TRIM8: variants seen among roughly 807,000 people sequenced by gnomAD.
TRIM8 encodes the protein tripartite motif containing 8.
In TRIM8, 9 loss-of-function variants were observed where a neutral mutation model predicts 55.7. That is an observed-to-expected ratio of 0.16 (90% CI 0.10 to 0.28). TRIM8 has a LOEUF of 0.28. TRIM8 is among the 10% of genes least tolerant of loss of function. The pLI is 1.00. For missense variants in TRIM8, 556 were observed against 736.4 expected, an observed-to-expected ratio of 0.76 and a Z score of 2.83; for synonymous variants, 335 against 333.3, an observed-to-expected ratio of 1.01 and a Z score of -0.06.
rs199506642 is a variant in TRIM8, at chr10:102,644,640, G to T, written c.23G>T (p.Cys8Phe). Reference sequence around the variant, plus strand: ...GCCATGGCGGAGAATTGGAAGAACTGCTTCGAGGAGGAGCTCATCTGCCCT... The same window carrying T: ...GCCATGGCGGAGAATTGGAAGAACTTCTTCGAGGAGGAGCTCATCTGCCCT... MAENWKN[C>F]FEEELICPIC... is the part of the protein sequence containing the mutation. Residue 8 changes from cysteine (C) to phenylalanine (F), a missense_variant, in exon 1 of 6, where the codon TGC becomes TTC. Transcript: ENST00000643721. 1.8e-4 allele frequency: 284 copies of T among 1,612,882 alleles called. 1 individual carries two copies. Among genetic ancestry groups the T allele is most frequent in the Non-Finnish European group, 2.3e-4 (273 of 1,179,820 alleles).
chr10:102,645,202 C>A lies in TRIM8; in HGVS notation c.570+15C>A. 1 of 1,519,730 alleles carries A rather than the reference C, an allele frequency of 6.6e-7. No homozygotes were observed. The highest frequency in any genetic ancestry group is 8.8e-7 in the Non-Finnish European group (1 of 1,140,600). The allele number at this position is 1,519,730 out of a possible 1,614,324, so 94.1% of individuals were successfully genotyped here. A position where few individuals can be genotyped will look rare whatever the true frequency, so the allele number is the denominator to read the frequency against. ...ATGAAATCCGGGCAAGTACCCTACGCGCGCGCGCGCACACACACACACACA... is the reference window on the plus strand; with the variant it reads ...ATGAAATCCGGGCAAGTACCCTACGAGCGCGCGCGCACACACACACACACA... On this transcript the variant is annotated intron_variant, in intron 1 of 5. Coordinates refer to ENST00000643721, the MANE Select transcript of TRIM8 (RefSeq NM_030912.3).
At position 102,654,637 on chromosome 10, in the gene TRIM8, C is replaced by A; in HGVS notation, c.571-16C>A. The A allele has an allele frequency of 6.2e-7, 1 of 1,608,406 alleles. No individual in the cohort carries two copies. Among genetic ancestry groups the A allele is most frequent in the Non-Finnish European group, 8.5e-7 (1 of 1,174,874 alleles). ...GCCACAGTCCCTCTGATACTCCCAC[C>A]CAAATGTCCCTGCAGAAGATGCTCA... is the stretch of plus-strand genomic sequence containing the variant. On this transcript the variant is annotated splice_polypyrimidine_tract_variant and intron_variant, in intron 1 of 5. Transcript: ENST00000643721.
rs140447881 is a variant in TRIM8, at chr10:102,657,249, C to A, written c.1551C>A (p.Pro517=). ...CACCCTCCGTCCCCCAGTCCCTTCCCAGCCTGGCGGTCAGAGACTGGCTTG... is the reference window on the plus strand; with the variant it reads ...CACCCTCCGTCCCCCAGTCCCTTCCAAGCCTGGCGGTCAGAGACTGGCTTG... ...PPTPSVPQSL[P]SLAVRDWLDA... The change falls in exon 6 of 6, where the codon CCC becomes CCA. Residue 517 remains proline (P), a synonymous_variant. Coordinates refer to ENST00000643721, the MANE Select transcript of TRIM8 (RefSeq NM_030912.3). 1.8e-3 allele frequency: 2,944 copies of A among 1,614,110 alleles called. 5 individuals carry two copies. The highest frequency in any genetic ancestry group is 2.3e-3 in the Non-Finnish European group (2,698 of 1,180,006).
intron 3 of TRIM8, 62 bp downstream of exon 3, chr10:102,655,375 C>T: frequency 6.8e-7 from 1 of 1,465,084 alleles, no homozygotes; most frequent in Non-Finnish European, 9.4e-7. Context: ...TTGAGATCTG[C>T]AGTTTCCTGC....
intron 1 of TRIM8, among the ~76,000 whole-genome samples, chr10:102,652,629 G>A (rs2063994147): frequency 6.6e-6 from 1 of 152,142 alleles, no homozygotes; most frequent in Admixed American, 6.5e-5. Flanking sequence ...GAGGCCCTGT[G>A]TCTTGTAGGG....
chr10:102,655,932 T>C (rs1290525791), intron 3 of TRIM8, among the ~76,000 whole-genome samples, 174 bp from the exon 4 acceptor site: 2 of 152,136 alleles, frequency 1.3e-5, no homozygotes, highest in South Asian at 2.1e-4. Context: ...GCTCAGTAAA[T>C]GTTAGCTCTT....
intron 1 of TRIM8, among the ~76,000 whole-genome samples, chr10:102,649,441 G>A (rs2063963014): frequency 6.6e-6 from 1 of 152,220 alleles, no homozygotes; most frequent in Non-Finnish European, 1.5e-5. Flanking sequence ...TGTGTTGGGT[G>A]CAGTCTGGCG....
rs1366457173 is a variant in TRIM8 at position 102,657,401 on chromosome 10, C to T, written c.*47C>T. The T allele has an allele frequency of 2.6e-6, 4 of 1,516,558 alleles. No individual in the cohort carries two copies. The highest frequency in any genetic ancestry group is 1.4e-5 in the African/African-American group (1 of 71,850). 93.9% of individuals were successfully genotyped at this position (1,516,558 alleles called of 1,614,324 possible). On this transcript the variant is annotated 3_prime_UTR_variant, in exon 6 of 6. Transcript: ENST00000643721. ...CTGGGGAATCTTCCTCCCCAGCCCC[C>T]GGGCTCGGGAGTTATGCATCCAGAG...
intron 3 of TRIM8, 84 bp downstream of exon 3, chr10:102,655,397 A>C: frequency 1.6e-6 from 2 of 1,271,966 alleles, no homozygotes; most frequent in Non-Finnish European, 2.2e-6. Flanking sequence ...CCTGTAGCTC[A>C]CATGCCCTTA....
chr10:102,656,990 G>A lies in TRIM8; in HGVS notation c.1292G>A (p.Gly431Asp). The A allele has an allele frequency of 6.2e-7, 1 of 1,612,462 alleles. No homozygotes were observed. Among genetic ancestry groups the A allele is most frequent in the Admixed American group, 1.7e-5 (1 of 60,006 alleles). Reference sequence around the variant, plus strand: ...CAGCACTTGGTGGCCCTGCCGGGCGGCGCCCAACCAGTGCACTCAAGCCCC... The same window carrying A: ...CAGCACTTGGTGGCCCTGCCGGGCGACGCCCAACCAGTGCACTCAAGCCCC... Reference protein sequence around the residue: ...STQHLVALPGGAQPVHSSPVF... With the variant: ...STQHLVALPGDAQPVHSSPVF... The change falls in exon 6 of 6, where the codon GGC (glycine) becomes GAC (aspartate). Residue 431 changes from glycine (G) to aspartate (D), a missense_variant. Coordinates refer to ENST00000643721, the MANE Select transcript of TRIM8 (RefSeq NM_030912.3). The surrounding 1 kb of genome is among the most constrained non-coding windows in gnomAD (Gnocchi z 4.6).
At chr10:102,653,163 G>A (rs1357138131) in intron 1 of TRIM8, among the ~76,000 whole-genome samples, 2 of 152,160 alleles carry the variant, frequency 1.3e-5, no homozygotes, top group Non-Finnish European at 2.9e-5. Flanking sequence ...TACCATATTG[G>A]ACAGCACAAC....
intron 1 of TRIM8, among the ~76,000 whole-genome samples, chr10:102,646,769 A>G (rs1191616984): frequency 6.6e-6 from 1 of 152,136 alleles, no homozygotes; most frequent in African/African-American, 2.4e-5. Flanking sequence ...GGCCGGGAAA[A>G]GTGCAGAGGC....
chr10:102,655,938 CTCT>C (rs1361958334), intron 3 of TRIM8, among the ~76,000 whole-genome samples, 165 bp from the exon 4 acceptor site: 1 of 152,182 alleles, frequency 6.6e-6, no homozygotes, highest in East Asian at 1.9e-4. Flanking sequence ...TAAATGTTAG[CTCT>C]TCTTCCGCAA....
In TRIM8 at chr10:102,656,454, C is replaced by T. The variant is rs1463973255; in HGVS notation, c.1048+69C>T. 8.4e-6 allele frequency: 13 copies of T among 1,548,274 alleles called. No individual in the cohort carries two copies. Among genetic ancestry groups the T allele is most frequent in the Non-Finnish European group, 1.1e-5 (13 of 1,144,414 alleles). ...GGAGGGGTTCAGCGCCACAGCCTTC[C>T]CTCCAAGAGGCAGTGTGGCCCAGTC... On this transcript the variant is annotated intron_variant, in intron 5 of 5. Coordinates refer to ENST00000643721, the MANE Select transcript of TRIM8 (RefSeq NM_030912.3). This position sits in a 1 kb window ranked among gnomAD's most constrained non-coding sequence, Gnocchi z 4.6.
At chr10:102,645,427 GGA>G (rs1261628777) in intron 1 of TRIM8, 1 of 457,204 alleles carries the variant, frequency 2.2e-6, no homozygotes, top group Non-Finnish European at 3.9e-6. Flanking sequence ...GTGCTTTATG[GGA>G]TTGGGGTGTG....
At position 102,656,321 on chromosome 10, in the gene TRIM8, G is replaced by A. The variant is rs200568469; in HGVS notation, c.984G>A (p.Leu328=). Reference sequence around the variant, plus strand: ...TTTCCCCCACTAAGATCGGCCACCTGAACTCCAAGCTCTTCCTGAACGAAG... The same window carrying A: ...TTTCCCCCACTAAGATCGGCCACCTAAACTCCAAGCTCTTCCTGAACGAAG... The part of the protein sequence containing the change: ...SSLSPTKIGH[L]NSKLFLNEVA... Residue 328 remains leucine (L), a synonymous_variant, in exon 5 of 6, where the codon CTG becomes CTA. Coordinates refer to ENST00000643721, the MANE Select transcript of TRIM8 (RefSeq NM_030912.3). The surrounding 1 kb of genome is among the most constrained non-coding windows in gnomAD (Gnocchi z 4.6). The A allele has an allele frequency of 7.1e-5, 115 of 1,614,042 alleles. 1 individual carries two copies. The highest frequency in any genetic ancestry group is 4.9e-4 in the Middle Eastern group (3 of 6,084).
chr10:102,645,282 ACT>A (rs2063924804), intron 1 of TRIM8, 95 bp downstream of exon 1: 1 of 1,325,960 alleles, frequency 7.5e-7, no homozygotes, highest in African/African-American at 1.5e-5. Flanking sequence ...CGACAGGCTG[ACT>A]CTTGTGACAT....
intron 3 of TRIM8, 96 bp downstream of exon 3, chr10:102,655,409 C>T (rs1455103705): frequency 1.7e-6 from 2 of 1,185,930 alleles, no homozygotes; most frequent in African/African-American, 1.5e-5. Flanking sequence ...ATGCCCTTAC[C>T]TTTGGAGCCA....
At chr10:102,654,344 G>A in intron 1 of TRIM8, 1 of 250,226 alleles carries the variant, frequency 4.0e-6, no homozygotes, top group Non-Finnish European at 7.9e-6. Context: ...GGCTAAGACA[G>A]GAGAATCACT....
Sources: allele counts gnomAD v4.1 joint callset (sites outside exome capture counted in the v4.1 genomes callset), GRCh38; gene constraint gnomAD v4.1.1; non-coding constraint Gnocchi (gnomAD v3.1); transcripts MANE v1.5; gene names NCBI Gene and HGNC (gene_info 2026-07-23, HGNC 2026-07-21).